The following ILDR1 variants were observed in gnomAD, a reference collection of about 807,000 sequenced individuals.
The protein encoded by ILDR1 is immunoglobulin-like domain-containing receptor 1.
In ILDR1, 56 loss-of-function variants were observed where a neutral mutation model predicts 62.4. The observed-to-expected ratio is 0.90, with a 90% CI of 0.72 to 1.12. The LOEUF (loss-of-function observed/expected upper bound fraction) is 1.12, where lower values mean the gene tolerates loss of function less well. Among genes scored for constraint, ILDR1 ranks in the 50% most tolerant of loss-of-function variants. The probability of loss-of-function intolerance (pLI) is 0.00; values close to 1 mark genes in which losing one functional copy is unlikely to be tolerated. For missense variants in ILDR1, 736 were observed against 710.6 expected (o/e 1.04, Z -0.41); for synonymous variants, 284 against 277.8 (o/e 1.02, Z -0.22).
intron 7 of ILDR1, among the ~76,000 whole-genome samples, chr3:121,991,024 A>AC (rs1256702480): frequency 1.3e-5 from 2 of 152,138 alleles, no homozygotes; most frequent in Non-Finnish European, 2.9e-5. Context: ...ACATGGTGAA[A>AC]CCCCATCTGT....
chr3:122,021,794 G>C (rs2071859102), intron 1 of ILDR1, among the ~76,000 whole-genome samples: 1 of 152,250 alleles, frequency 6.6e-6, no homozygotes, highest in African/African-American at 2.4e-5. Flanking sequence ...AGGTTTCTCA[G>C]TTGCACCTGT....
chr3:122,022,867 G>C (rs58123484), upstream of ILDR1, among the ~76,000 whole-genome samples: 11,518 of 151,878 alleles, frequency 0.076, 1,343 homozygotes, highest in African/African-American at 0.25. Flanking sequence ...GAGCGGAGAT[G>C]GCGCCACTGC....
the ILDR1 span, among the ~76,000 whole-genome samples, chr3:122,046,689 C>A: frequency 2.7e-5 from 4 of 147,634 alleles, no homozygotes; most frequent in Admixed American, 6.7e-5. Flanking sequence ...TTGCTGATAC[C>A]CTTTCTTCCA....
At chr3:122,057,054 T>C in the ILDR1 span, among the ~76,000 whole-genome samples, 20 of 152,252 alleles carry the variant, frequency 1.3e-4, no homozygotes, top group Non-Finnish European at 2.8e-4. Flanking sequence ...GTATCATTTT[T>C]TCTCTATCAA....
intron 7 of ILDR1, among the ~76,000 whole-genome samples, chr3:121,989,219 G>A (rs1437637448): frequency 6.6e-6 from 1 of 152,100 alleles, no homozygotes; most frequent in East Asian, 1.9e-4. Flanking sequence ...TGAGTTTTAG[G>A]GGTCATGATT....
chr3:121,993,367 C>A lies in ILDR1; in HGVS notation c.1382G>T (p.Arg461Ile). ...SPRESTQRHG[R>I]RRRHRSYSPP... ...AGAGTAGCTGCGGTGCCTGCGTCGT[C>A]TCCCGTGCCTCTGAGTGCTCTCCCG... is the stretch of plus-strand genomic sequence containing the variant. The change falls in exon 7 of 8, where the codon AGA becomes ATA. Residue 461 changes from arginine (R) to isoleucine (I), a missense_variant. Physicochemically the swap from Arg to Ile is moderately conservative, Grantham distance 97. Coordinates refer to ENST00000344209, the MANE Select transcript of ILDR1 (RefSeq NM_001199799.2). 6.2e-7 allele frequency: 1 copy of A among 1,610,484 alleles called. No homozygotes were observed. Among genetic ancestry groups the A allele is most frequent in the Admixed American group, 1.7e-5 (1 of 59,948 alleles).
intron 7 of ILDR1, among the ~76,000 whole-genome samples, chr3:121,992,056 T>C (rs2071356506): frequency 6.6e-6 from 1 of 152,174 alleles, no homozygotes; most frequent in Admixed American, 6.5e-5. Context: ...TCTGAGGCAG[T>C]TTATTAATGT....
chr3:122,010,033 A>G (rs2071680694), intron 1 of ILDR1, among the ~76,000 whole-genome samples: 2 of 152,270 alleles, frequency 1.3e-5, no homozygotes, highest in South Asian at 4.1e-4. Flanking sequence ...ATGAAAGGAA[A>G]TGATTTAACC....
the ILDR1 span, among the ~76,000 whole-genome samples, chr3:122,030,148 C>T: frequency 6.6e-6 from 1 of 152,188 alleles, no homozygotes; most frequent in Non-Finnish European, 1.5e-5. Flanking sequence ...ACTTTAATTG[C>T]ACTTGCCATG....
the ILDR1 span, among the ~76,000 whole-genome samples, chr3:122,060,308 A>G: frequency 6.6e-6 from 1 of 152,202 alleles, no homozygotes; most frequent in South Asian, 2.1e-4. Context: ...GAACACTCCC[A>G]GTTGAGTGGA....
intron 5 of ILDR1, among the ~76,000 whole-genome samples, chr3:121,997,054 C>G (rs1355108308): frequency 6.6e-6 from 1 of 152,164 alleles, no homozygotes. Context: ...GCGCCCACCA[C>G]CATGCTCAGT....
intron 1 of ILDR1, among the ~76,000 whole-genome samples, chr3:122,009,324 A>AACACAC (rs60284951): frequency 0.096 from 13,201 of 137,738 alleles, 1,097 homozygotes; most frequent in African/African-American, 0.22. Flanking sequence ...CTCAATTTAA[A>AACACAC]ACACACACAC....
At chr3:122,017,641 C>T (rs1208959565) in intron 1 of ILDR1, among the ~76,000 whole-genome samples, 1 of 152,142 alleles carries the variant, frequency 6.6e-6, no homozygotes, top group African/African-American at 2.4e-5. Flanking sequence ...GCAATCTATC[C>T]ATCTGACAAA....
intron 1 of ILDR1, among the ~76,000 whole-genome samples, chr3:122,013,861 G>T (rs765901654): frequency 1.5e-4 from 23 of 152,158 alleles, no homozygotes; most frequent in Non-Finnish European, 2.8e-4. Flanking sequence ...AGTGCTATGT[G>T]CTGAGCACTT....
the ILDR1 span, among the ~76,000 whole-genome samples, chr3:122,033,214 T>A: frequency 6.6e-6 from 1 of 152,160 alleles, no homozygotes; most frequent in Admixed American, 6.5e-5. Flanking sequence ...TATTTTGCTG[T>A]GGTTTAATTT....
At chr3:122,007,245 T>G (rs1403752679) in intron 1 of ILDR1, 84 bp from the exon 2 acceptor site, 2 of 1,593,764 alleles carry the variant, frequency 1.3e-6, no homozygotes, top group Non-Finnish European at 1.7e-6. Flanking sequence ...GCAAAAGATA[T>G]TGCCTGCCAT....
At position 121,993,709 on chromosome 3, in the gene ILDR1, T is replaced by G; in HGVS notation, c.1040A>C (p.Asp347Ala). 6.2e-7 allele frequency: 1 copy of G among 1,613,884 alleles called. No individual in the cohort carries two copies. Among genetic ancestry groups the G allele is most frequent in the South Asian group, 1.1e-5 (1 of 91,060 alleles). ...GGTGAGCCACTGCTGGTGCAGGGAG[T>G]CACTGGTCCTCCTTGAGGATGACAG... ...RDLSSSRRTSDSLHQQWLTPI... is the reference protein window; with the variant it reads ...RDLSSSRRTSASLHQQWLTPI... Residue 347 changes from aspartate to alanine, a missense_variant, in exon 7 of 8, where the codon GAC (aspartate) becomes GCC (alanine). Asp to Ala is a moderately radical substitution (Grantham distance 126, BLOSUM62 -2). Coordinates refer to ENST00000344209, the MANE Select transcript of ILDR1 (RefSeq NM_001199799.2).
chr3:122,052,864 C>T, the ILDR1 span, among the ~76,000 whole-genome samples: 3 of 152,146 alleles, frequency 2.0e-5, no homozygotes, highest in Middle Eastern at 3.2e-3. Context: ...CCACCGCGCC[C>T]GGCCAAAAAG....
At chr3:122,047,184 G>A in the ILDR1 span, among the ~76,000 whole-genome samples, 1 of 150,558 alleles carries the variant, frequency 6.6e-6, no homozygotes, top group Non-Finnish European at 1.5e-5. Flanking sequence ...TGCCGTGTGA[G>A]GTGTCAGTGT....
Sources: allele counts gnomAD v4.1 joint callset (sites outside exome capture counted in the v4.1 genomes callset), GRCh38; gene constraint gnomAD v4.1.1; transcripts MANE v1.5; gene names NCBI Gene and HGNC (gene_info 2026-07-23, HGNC 2026-07-21).